RSPO2: variants seen among roughly 807,000 people sequenced by gnomAD.
RSPO2 encodes R-spondin 2.
In RSPO2, 14 loss-of-function variants were observed where a neutral mutation model predicts 30.9. That is an observed-to-expected ratio of 0.45 (90% CI 0.30 to 0.71). The LOEUF is 0.71. RSPO2 is among the 30% of genes least tolerant of loss of function. The pLI, the probability that RSPO2 is intolerant of heterozygous loss-of-function variation, is 0.08. For synonymous variants in RSPO2, 107 were observed against 96.4 expected (o/e 1.11, Z -0.64); for missense variants, 264 against 301.9 (o/e 0.87, Z 0.93).
chr8:107,984,300 G>A (rs1187414131), intron 3 of RSPO2, among the ~76,000 whole-genome samples: 2 of 152,180 alleles, frequency 1.3e-5, no homozygotes, highest in Admixed American at 1.3e-4. Flanking sequence ...ATGTATAAAA[G>A]TTATGTGTAA....
rs375020694 is a variant in RSPO2, at chr8:107,990,038, A to C, written c.95-794T>G. Among the ~76,000 whole-genome samples, 47 of 152,336 alleles carry C rather than the reference A, an allele frequency of 3.1e-4. 1 individual carries two copies. In the South Asian group the frequency reaches 9.7e-3, roughly 32 times the overall value. On this transcript the variant is annotated intron_variant, in intron 2 of 5. Transcript: ENST00000276659. ...TAAGGACATTCTAAAGGAGTCTTTA[A>C]AATGAATATCTACAGAATATCTGAA...
chr8:107,974,847 T>C lies in RSPO2; in HGVS notation c.284-14030A>G, dbSNP rs73700359. Reference sequence around the variant, plus strand: ...AGGATTGTGAACACACACATACACATACACACACACACACACACAGGTTAA... The same window carrying C: ...AGGATTGTGAACACACACATACACACACACACACACACACACACAGGTTAA... On this transcript the variant is annotated intron_variant, in intron 3 of 5. Transcript: ENST00000276659. Among the ~76,000 whole-genome samples, 109 of 150,924 alleles carry C rather than the reference T, an allele frequency of 7.2e-4. 3 individuals are homozygous for C. The South Asian group carries it at 0.022, about 30-fold the overall frequency.
intron 5 of RSPO2, among the ~76,000 whole-genome samples, chr8:107,953,936 C>T (rs949018145): frequency 2.0e-5 from 3 of 152,224 alleles, no homozygotes; most frequent in African/African-American, 4.8e-5. Context: ...CTTGTCTCCA[C>T]AGCCCTTGTC....
rs189250391 is a variant in RSPO2, at chr8:108,038,675, T to C, written c.94+43870A>G. Among the ~76,000 whole-genome samples, 6 of 151,788 alleles carry C rather than the reference T, an allele frequency of 4.0e-5. 1 individual carries two copies. In the East Asian group the frequency reaches 1.2e-3, roughly 29 times the overall value. On this transcript the variant is annotated intron_variant, in intron 2 of 5. Transcript: ENST00000276659. Reference sequence around the variant, plus strand: ...CTTCAGCAACCACCACACTGATCAGTCAGCTGCCATCAACATCAAAGCAAG... The same window carrying C: ...CTTCAGCAACCACCACACTGATCAGCCAGCTGCCATCAACATCAAAGCAAG...
rs1811382744 is a variant in RSPO2, at chr8:107,899,817, G to GAAGTTTC, written c.*1251_*1257dup. 1 of 152,162 alleles carries GAAGTTTC rather than the reference G, an allele frequency of 6.6e-6. No homozygotes were observed. Among genetic ancestry groups the GAAGTTTC allele is most frequent in the African/African-American group, 2.4e-5 (1 of 41,456 alleles). 9.4% of individuals were successfully genotyped at this position (152,162 alleles called of 1,614,324 possible). ...AACAACTGCTCTGAAAGTCACCTGG[G>GAAGTTTC]AAGTTTCCATAGTGTTCCTCTCCAT... On this transcript the variant is annotated 3_prime_UTR_variant, in exon 6 of 6. Coordinates refer to ENST00000276659, the MANE Select transcript of RSPO2 (RefSeq NM_178565.5).
chr8:107,974,685 GGA>G (rs1450220993), intron 3 of RSPO2, among the ~76,000 whole-genome samples: 2 of 152,058 alleles, frequency 1.3e-5, no homozygotes, highest in Admixed American at 1.3e-4. Flanking sequence ...GAGGTGGGAG[GGA>G]GAGAGACAGG....
At chr8:108,063,585 T>G (rs1000953349) in intron 2 of RSPO2, among the ~76,000 whole-genome samples, 1 of 151,594 alleles carries the variant, frequency 6.6e-6, no homozygotes, top group African/African-American at 2.4e-5. Flanking sequence ...AGAATCAATA[T>G]CATGAAAATG....
In RSPO2 at chr8:107,900,502, A is replaced by G. The variant is rs1205833580; in HGVS notation, c.*573T>C. Reference sequence around the variant, plus strand: ...AGAAAGCATAAATATACAGTAAATAAGAGCTTTATATGTAGCTCCTGCAGT... The same window carrying G: ...AGAAAGCATAAATATACAGTAAATAGGAGCTTTATATGTAGCTCCTGCAGT... On this transcript the variant is annotated 3_prime_UTR_variant, in exon 6 of 6. Coordinates refer to ENST00000276659, the MANE Select transcript of RSPO2 (RefSeq NM_178565.5). 1 of 152,594 alleles carries G rather than the reference A, an allele frequency of 6.6e-6. No individual in the cohort carries two copies. The highest frequency in any genetic ancestry group is 2.4e-5 in the African/African-American group (1 of 41,460). The allele number at this position is 152,594 out of a possible 1,614,324, so 9.5% of individuals were successfully genotyped here.
intron 2 of RSPO2, among the ~76,000 whole-genome samples, chr8:108,027,655 T>G (rs1473544660): frequency 1.3e-5 from 2 of 152,204 alleles, no homozygotes; most frequent in African/African-American, 2.4e-5. Flanking sequence ...AGGATAGTTT[T>G]GGGGATTGAA....
At chr8:108,004,186 G>A (rs1156312827) in intron 2 of RSPO2, among the ~76,000 whole-genome samples, 1 of 152,174 alleles carries the variant, frequency 6.6e-6, no homozygotes, top group Non-Finnish European at 1.5e-5. Context: ...GGGGGAAACT[G>A]AGTTACAAGT....
At chr8:107,972,988 C>T (rs141267375) in intron 3 of RSPO2, among the ~76,000 whole-genome samples, 1,712 of 152,132 alleles carry the variant, frequency 0.011, 39 homozygotes, top group African/African-American at 0.038. Context: ...AAAAAGCTGG[C>T]GGCCGAGTGC....
chr8:108,018,702 T>C (rs932054505), intron 2 of RSPO2, among the ~76,000 whole-genome samples: 1 of 152,156 alleles, frequency 6.6e-6, no homozygotes, highest in East Asian at 1.9e-4. Flanking sequence ...TGGATAAATA[T>C]TAAAAATAAA....
intron 2 of RSPO2, among the ~76,000 whole-genome samples, chr8:108,015,909 C>T (rs1438792410): frequency 2.0e-5 from 3 of 152,106 alleles, no homozygotes; most frequent in Admixed American, 2.0e-4. Context: ...CGCCAACTAT[C>T]GGCACCTATG....
At chr8:107,980,102 A>T (rs144681423) in intron 3 of RSPO2, among the ~76,000 whole-genome samples, 3 of 152,252 alleles carry the variant, frequency 2.0e-5, no homozygotes, top group African/African-American at 7.2e-5. Context: ...ATAGTTTTAT[A>T]ACACACTCTT....
chr8:107,925,635 ATGAG>A (rs1356796886), intron 5 of RSPO2, among the ~76,000 whole-genome samples: 2 of 150,836 alleles, frequency 1.3e-5, no homozygotes, highest in Non-Finnish European at 2.9e-5. Context: ...ATTCCCACCT[ATGAG>A]TGAGAACATG....
At chr8:108,042,248 G>A (rs959014130) in intron 2 of RSPO2, among the ~76,000 whole-genome samples, 1 of 152,130 alleles carries the variant, frequency 6.6e-6, no homozygotes, top group African/African-American at 2.4e-5. Flanking sequence ...GGGTGAGGAA[G>A]TTAAAGGAGG....
intron 5 of RSPO2, among the ~76,000 whole-genome samples, chr8:107,905,417 C>G (rs1047068471): frequency 6.6e-6 from 1 of 152,008 alleles, no homozygotes; most frequent in African/African-American, 2.4e-5. Context: ...TATAAACACA[C>G]AAGCTGTGGA....
At position 107,955,576 on chromosome 8, in the gene RSPO2, A is replaced by G. The variant is rs577982373; in HGVS notation, c.616+2504T>C. Among the ~76,000 whole-genome samples, 13 of 152,196 alleles carry G rather than the reference A, an allele frequency of 8.5e-5. 3 individuals are homozygous for G. Among genetic ancestry groups the G allele is most frequent in the Admixed American group, 7.8e-4 (12 of 15,304 alleles). On this transcript the variant is annotated intron_variant, in intron 5 of 5. Transcript: ENST00000276659. ...AGATATTATTTGATTTTTTTTAAAA[A>G]AAGAAAGCAAATAAGCATATAACAG...
At chr8:108,050,442 A>G (rs749831724) in intron 2 of RSPO2, among the ~76,000 whole-genome samples, 7 of 152,298 alleles carry the variant, frequency 4.6e-5, no homozygotes, top group Non-Finnish European at 8.8e-5. Context: ...AATAAGTAAT[A>G]AAGGTATGTA....
Sources: allele counts gnomAD v4.1 joint callset (sites outside exome capture counted in the v4.1 genomes callset), GRCh38; gene constraint gnomAD v4.1.1; transcripts MANE v1.5; gene names NCBI Gene and HGNC (gene_info 2026-07-23, HGNC 2026-07-21).